Variants in PARD3 observed in about 807,000 individuals in gnomAD.
The protein encoded by PARD3 is par-3 family cell polarity regulator, also known as partitioning defective 3 homolog.
In PARD3, 75 loss-of-function variants were observed where a neutral mutation model predicts 155.4. The observed-to-expected ratio is 0.48, with a 90% CI of 0.40 to 0.58. The LOEUF (loss-of-function observed/expected upper bound fraction) is 0.58, where lower values mean the gene tolerates loss of function less well. PARD3 is among the 20% of genes least tolerant of loss of function. PARD3 has a pLI of 0.00. For synonymous variants in PARD3, 576 were observed against 610.5 expected (o/e 0.94, Z 0.83); for missense variants, 1,642 against 1,721.7 (o/e 0.95, Z 0.82).
chr10:34,768,172 T>A (rs1838362652), intron 1 of PARD3, among the ~76,000 whole-genome samples: 1 of 152,086 alleles, frequency 6.6e-6, no homozygotes, highest in Non-Finnish European at 1.5e-5. Flanking sequence ...CAGATCTCGG[T>A]CAATTTAGGA....
At chr10:34,431,740 CAAAAAA>C (rs57001926) in intron 5 of PARD3, among the ~76,000 whole-genome samples, 6 of 25,200 alleles carry the variant, frequency 2.4e-4, no homozygotes, top group East Asian at 1.5e-3. Flanking sequence ...AACTCTGTCT[CAAAAAA>C]AAAAAAAAAA....
At chr10:34,347,822 T>C (rs1837588836) in intron 15 of PARD3, 143 bp downstream of exon 15, 1 of 575,248 alleles carries the variant, frequency 1.7e-6, no homozygotes, top group Non-Finnish European at 2.7e-6. Context: ...AATAAACCTG[T>C]TCTCTTTTGT....
intron 3 of PARD3, among the ~76,000 whole-genome samples, chr10:34,489,368 G>C (rs1007391881): frequency 5.3e-5 from 8 of 152,158 alleles, no homozygotes; most frequent in African/African-American, 1.9e-4. Flanking sequence ...TCAGTGCTAG[G>C]AACAAAAATG....
chr10:34,794,464 T>C (rs10827426), intron 1 of PARD3, among the ~76,000 whole-genome samples: 52,307 of 152,230 alleles, frequency 0.34, 11,210 homozygotes, highest in Non-Finnish European at 0.48. Flanking sequence ...AAAGGCAGAT[T>C]CACAGAAGTT....
intron 2 of PARD3, among the ~76,000 whole-genome samples, chr10:34,664,872 T>TTAGCATGTAGAATGTTGAATGCC (rs2133183902): frequency 6.6e-6 from 1 of 152,308 alleles, no homozygotes; most frequent in Admixed American, 6.5e-5. Flanking sequence ...CGGACAGGTC[T>TTAGCATGTAGAATGTTGAATGCC]TAGCATGTAG....
In PARD3 at chr10:34,465,602, T is replaced by TG. The variant is rs199651820; in HGVS notation, c.582+4482dup. ...AATCAAAAGAAAAGGAAGCTAATGATGCCAATGCAATAGGTTCCCTTTATT... is the reference window on the plus strand; with the variant it reads ...AATCAAAAGAAAAGGAAGCTAATGATGGCCAATGCAATAGGTTCCCTTTATT... On this transcript the variant is annotated intron_variant, in intron 4 of 24. Transcript: ENST00000374788. 2.3e-3 allele frequency among the ~76,000 whole-genome samples: 347 copies of TG among 152,324 alleles called. 4 individuals carry two copies. Among genetic ancestry groups the TG allele is most frequent in the African/African-American group, 7.5e-3 (311 of 41,568 alleles).
intron 1 of PARD3, among the ~76,000 whole-genome samples, chr10:34,731,129 G>T (rs1158992730): frequency 6.7e-6 from 1 of 150,340 alleles, no homozygotes; most frequent in Non-Finnish European, 1.5e-5. Context: ...ATTTTTTTAC[G>T]CTGTTTTCTC....
chr10:34,415,167 C>A (rs1206956546), intron 5 of PARD3, among the ~76,000 whole-genome samples: 2 of 152,028 alleles, frequency 1.3e-5, no homozygotes, highest in Admixed American at 1.3e-4. Context: ...CTAATAGAAT[C>A]TCCACAAACA....
chr10:34,541,136 A>T (rs1433822323), intron 2 of PARD3, among the ~76,000 whole-genome samples: 1 of 152,210 alleles, frequency 6.6e-6, no homozygotes, highest in Non-Finnish European at 1.5e-5. Flanking sequence ...AGACAAAGCC[A>T]CGTTTCTTTT....
intron 14 of PARD3, among the ~76,000 whole-genome samples, chr10:34,352,668 G>A (rs1838245622): frequency 6.6e-6 from 1 of 152,222 alleles, no homozygotes. Flanking sequence ...CCAGGCTGGA[G>A]TGCAGTGGCG....
chr10:34,248,267 C>T (rs918601403), intron 22 of PARD3, among the ~76,000 whole-genome samples: 1 of 152,062 alleles, frequency 6.6e-6, no homozygotes, highest in Non-Finnish European at 1.5e-5. Context: ...AAAAAAAATA[C>T]CAGATTTTTC....
At chr10:34,795,481 G>A (rs943948272) in intron 1 of PARD3, among the ~76,000 whole-genome samples, 2 of 151,950 alleles carry the variant, frequency 1.3e-5, no homozygotes, top group East Asian at 3.9e-4. Flanking sequence ...ATGGTGGCAC[G>A]CATCTGTAGT....
intron 20 of PARD3, among the ~76,000 whole-genome samples, chr10:34,313,087 CT>C (rs1166898425): frequency 9.9e-5 from 15 of 152,162 alleles, no homozygotes; most frequent in African/African-American, 3.6e-4. Context: ...CTCCCTCCTC[CT>C]AAAGTACATA....
intron 1 of PARD3, among the ~76,000 whole-genome samples, chr10:34,808,907 T>C (rs1219184772): frequency 6.6e-6 from 1 of 152,196 alleles, no homozygotes; most frequent in East Asian, 1.9e-4. Flanking sequence ...CAGCCAAGCA[T>C]CTCAACTGAC....
intron 2 of PARD3, among the ~76,000 whole-genome samples, chr10:34,567,403 C>T (rs1011253400): frequency 6.6e-6 from 1 of 152,112 alleles, no homozygotes; most frequent in Non-Finnish European, 1.5e-5. Context: ...AAAATATATA[C>T]ATATGCATGT....
intron 2 of PARD3, among the ~76,000 whole-genome samples, chr10:34,566,184 G>A (rs1440053529): frequency 6.6e-6 from 1 of 152,146 alleles, no homozygotes; most frequent in Non-Finnish European, 1.5e-5. Flanking sequence ...GAGCTATTTT[G>A]TCTTTCTCAG....
chr10:34,630,236 T>C (rs1457041722), intron 2 of PARD3, among the ~76,000 whole-genome samples: 1 of 152,160 alleles, frequency 6.6e-6, no homozygotes, highest in East Asian at 1.9e-4. Context: ...GAAAAACAGA[T>C]TCCCTTCTGC....
intron 12 of PARD3, among the ~76,000 whole-genome samples, chr10:34,371,845 G>A (rs909472805): frequency 1.3e-5 from 2 of 151,914 alleles, no homozygotes; most frequent in African/African-American, 2.4e-5. Context: ...CCCATATAGC[G>A]CATCATCACA....
intron 2 of PARD3, among the ~76,000 whole-genome samples, chr10:34,671,301 CGATA>C (rs1381440803): frequency 2.0e-5 from 3 of 151,992 alleles, no homozygotes; most frequent in Admixed American, 2.0e-4. Flanking sequence ...CCAAATATAT[CGATA>C]GATATTCTAA....
Sources: allele counts gnomAD v4.1 joint callset (sites outside exome capture counted in the v4.1 genomes callset), GRCh38; gene constraint gnomAD v4.1.1; transcripts MANE v1.5; gene names NCBI Gene and HGNC (gene_info 2026-07-23, HGNC 2026-07-21).